MX1: variants seen among roughly 807,000 people sequenced by gnomAD.
MX1 encodes interferon-induced GTP-binding protein Mx1.
A neutral mutation model predicts 66.4 loss-of-function variants in MX1; 66 were observed. That is an observed-to-expected ratio of 0.99 (90% CI 0.82 to 1.22). The LOEUF is 1.22. Among genes scored for constraint, MX1 ranks in the 50% most tolerant of loss-of-function variants. MX1 has a pLI of 0.00. For missense variants in MX1, 787 were observed against 834.3 expected (o/e 0.94, Z 0.70); for synonymous variants, 311 against 318.1 (o/e 0.98, Z 0.24).
chr21:41,432,104 G>A lies in MX1; in HGVS notation c.34G>A (p.Asp12Asn), dbSNP rs2090231122. Residue 12 changes from aspartate to asparagine, a missense_variant, in exon 5 of 17, where the codon GAT becomes AAT. Asp to Asn is a conservative substitution (Grantham distance 23, BLOSUM62 1). Coordinates refer to ENST00000398598, the MANE Select transcript of MX1 (RefSeq NM_002462.5). ...TTCCGAAGTGGACATCGCAAAAGCT[G>A]ATCCAGCTGCTGCATCCCACCCTCT... ...VVSEVDIAKA[D>N]PAAASHPLLL... 1.2e-6 allele frequency: 2 copies of A among 1,614,150 alleles called. No individual in the cohort carries two copies. The highest frequency in any genetic ancestry group is 2.2e-5 in the East Asian group (1 of 44,880).
chr21:41,437,270 C>A, intron 7 of MX1, 118 bp downstream of exon 7: 2 of 1,125,616 alleles, frequency 1.8e-6, no homozygotes, highest in Non-Finnish European at 2.6e-6. Flanking sequence ...TTCTCCTGCA[C>A]ATCAGGCCAC....
chr21:41,428,009 G>A (rs2090112095), intron 3 of MX1, 143 bp downstream of exon 3: 1 of 152,314 alleles, frequency 6.6e-6, no homozygotes, highest in Admixed American at 6.5e-5. Flanking sequence ...AGGTTCAAGC[G>A]ATTCTGGTGC....
At chr21:41,456,659 G>A (rs1194811542) in intron 16 of MX1, among the ~76,000 whole-genome samples, 1 of 152,158 alleles carries the variant, frequency 6.6e-6, no homozygotes, top group African/African-American at 2.4e-5. Flanking sequence ...TCACAGCTGG[G>A]GAAAGGATGG....
At chr21:41,456,543 CAT>C (rs2090963376) in intron 16 of MX1, among the ~76,000 whole-genome samples, 4 of 152,212 alleles carry the variant, frequency 2.6e-5, no homozygotes, top group Admixed American at 6.5e-5. Flanking sequence ...GTGGGTTACA[CAT>C]GTTACCCACA....
intron 3 of MX1, 39 bp from the exon 4 acceptor site, chr21:41,430,494 G>A (rs1176677118): frequency 6.6e-6 from 1 of 152,136 alleles, no homozygotes; most frequent in African/African-American, 2.4e-5. Flanking sequence ...GGTGTTCCGC[G>A]GGTTTGGGTC....
At chr21:41,444,259 A>G (rs2090598071) in intron 11 of MX1, among the ~76,000 whole-genome samples, 1 of 151,666 alleles carries the variant, frequency 6.6e-6, no homozygotes, top group African/African-American at 2.4e-5. Context: ...GTTCTTTTTA[A>G]AAGTCTGCCT....
At chr21:41,443,487 A>G in intron 10 of MX1, 1 of 366,128 alleles carries the variant, frequency 2.7e-6, no homozygotes, top group Non-Finnish European at 5.1e-6. Context: ...TTATAAAAAC[A>G]TATCTATACA....
intron 5 of MX1, 105 bp downstream of exon 5, chr21:41,432,280 C>A: frequency 1.0e-6 from 1 of 981,290 alleles, no homozygotes; most frequent in Non-Finnish European, 1.6e-6. Flanking sequence ...TGCCTGCTCT[C>A]TCGCCTCTCC....
At chr21:41,454,466 T>A (rs1360673185) in intron 16 of MX1, among the ~76,000 whole-genome samples, 1 of 152,242 alleles carries the variant, frequency 6.6e-6, no homozygotes, top group Non-Finnish European at 1.5e-5. Flanking sequence ...AATTCAGATT[T>A]TCAGGTTTCT....
upstream of MX1, among the ~76,000 whole-genome samples, chr21:41,424,654 C>T (rs1345585284): frequency 6.6e-6 from 1 of 152,174 alleles, no homozygotes; most frequent in East Asian, 1.9e-4. Flanking sequence ...GCCAGTTAGC[C>T]GAGAATGGGA....
chr21:41,458,176 C>T (rs180875873), intron 16 of MX1, among the ~76,000 whole-genome samples: 176 of 152,268 alleles, frequency 1.2e-3, no homozygotes, highest in Non-Finnish European at 1.6e-3. Context: ...TTAGTAGAGA[C>T]GCGGTTTCAC....
intron 16 of MX1, 51 bp from the exon 17 acceptor site, chr21:41,458,477 C>G (rs765676441): frequency 3.7e-6 from 6 of 1,606,910 alleles, no homozygotes; most frequent in South Asian, 2.2e-5. Flanking sequence ...GTCAGAGTCC[C>G]CTCCTCACAG....
upstream of MX1, among the ~76,000 whole-genome samples, chr21:41,423,847 C>T (rs60321675): frequency 0.013 from 2,031 of 152,258 alleles, 52 homozygotes; most frequent in African/African-American, 0.046. Context: ...GTGCCTAGGG[C>T]GTTAAAACTT....
At chr21:41,449,374 G>A in intron 14 of MX1, 79 bp downstream of exon 14, 2 of 1,472,984 alleles carry the variant, frequency 1.4e-6, no homozygotes, top group South Asian at 1.3e-5. Flanking sequence ...CCAAACTTCA[G>A]CACTTTCCTC....
At chr21:41,444,318 CTTTTTTTTTTTT>C (rs11317486) in intron 11 of MX1, among the ~76,000 whole-genome samples, 2 of 71,526 alleles carry the variant, frequency 2.8e-5, no homozygotes, top group Admixed American at 2.0e-4. Flanking sequence ...TCTTTTCTTT[CTTTTTTTTTTTT>C]TTTTTTTTTT....
In MX1 at chr21:41,446,033, C is replaced by T. The variant is rs752616029; in HGVS notation, c.1165C>T (p.Leu389Phe). ...TGCCTTTAATCAGGACATCACTGCTCTCATGCAAGGAGAGGAAACTGTAGG... is the reference window on the plus strand; with the variant it reads ...TGCCTTTAATCAGGACATCACTGCTTTCATGCAAGGAGAGGAAACTGTAGG... ...VNAFNQDITALMQGEETVGEE... is the reference protein window; with the variant it reads ...VNAFNQDITAFMQGEETVGEE... The change falls in exon 13 of 17, where the codon CTC becomes TTC. Residue 389 changes from leucine to phenylalanine, a missense_variant. Coordinates refer to ENST00000398598, the MANE Select transcript of MX1 (RefSeq NM_002462.5). 7 of 1,613,974 alleles carry T rather than the reference C, an allele frequency of 4.3e-6. No homozygotes were observed. Among genetic ancestry groups the T allele is most frequent in the East Asian group, 4.5e-5 (2 of 44,898 alleles).
At chr21:41,420,559 G>A (rs1032010330) in exon 1 of MX1, 1 of 152,206 alleles carries the variant, frequency 6.6e-6, no homozygotes, top group Admixed American at 6.5e-5. Context: ...GGAAACCAGC[G>A]AGCAGAAATG....
At chr21:41,425,628 T>A (rs1284226493), upstream of MX1, among the ~76,000 whole-genome samples, 1 of 152,180 alleles carries the variant, frequency 6.6e-6, no homozygotes, top group East Asian at 1.9e-4. Flanking sequence ...ATTACTATTT[T>A]ATTTATTTTA....
intron 2 of MX1, among the ~76,000 whole-genome samples, chr21:41,427,535 A>G (rs970458696): frequency 6.6e-6 from 1 of 152,204 alleles, no homozygotes; most frequent in Non-Finnish European, 1.5e-5. Context: ...AAAAAAAGAA[A>G]AAACTAGACT....
Sources: gnomAD v4.1 joint callset for allele counts (sites outside exome capture counted in the v4.1 genomes callset) on GRCh38, gnomAD v4.1.1 for gene constraint, MANE v1.5 for transcripts, NCBI Gene and HGNC (gene_info 2026-07-23, HGNC 2026-07-21) for gene names.